RBFOX1: variants seen among roughly 807,000 people sequenced by gnomAD.
RBFOX1 encodes RNA binding protein fox-1 homolog 1.
Under a neutral mutation model 57.7 loss-of-function variants are expected in RBFOX1, and 8 were observed. That is an observed-to-expected ratio of 0.14 (90% CI 0.08 to 0.25). RBFOX1 has a LOEUF of 0.25. Among genes scored for constraint, RBFOX1 ranks in the 10% least tolerant of loss-of-function variants. RBFOX1 has a pLI of 1.00. For synonymous variants in RBFOX1, 326 were observed against 222.4 expected (o/e 1.47, Z -4.15); for missense variants, 611 against 548.5 (o/e 1.11, Z -1.14).
intron 4 of RBFOX1, among the ~76,000 whole-genome samples, chr16:7,205,761 C>T (rs752636490): frequency 2.0e-4 from 30 of 152,140 alleles, no homozygotes; most frequent in Non-Finnish European, 3.5e-4. Context: ...TTGAAAAGGG[C>T]AAAAGTGAGT....
At chr16:6,977,947 A>AAAAATTAAAT (rs57981662) in intron 3 of RBFOX1, among the ~76,000 whole-genome samples, 1 of 145,968 alleles carries the variant, frequency 6.9e-6, no homozygotes, top group Non-Finnish European at 1.5e-5. Context: ...GAAAAAAAAA[A>AAAAATTAAAT]AAAAGGCAAA....
At chr16:5,654,857 T>TC (rs1397700501) in intron 3 of RBFOX1, among the ~76,000 whole-genome samples, 1 of 151,918 alleles carries the variant, frequency 6.6e-6, no homozygotes, top group Non-Finnish European at 1.5e-5. Flanking sequence ...TCCATTGTAT[T>TC]CCCCCCTTTA....
chr16:5,359,057 A>T (rs1016043579), intron 1 of RBFOX1, among the ~76,000 whole-genome samples: 1 of 152,136 alleles, frequency 6.6e-6, no homozygotes, highest in South Asian at 2.1e-4. Flanking sequence ...TAGTGAGAAC[A>T]TGTGATGTTT....
intron 3 of RBFOX1, among the ~76,000 whole-genome samples, chr16:5,710,748 A>G (rs1281645893): frequency 1.3e-5 from 2 of 152,084 alleles, no homozygotes; most frequent in Admixed American, 1.3e-4. Context: ...CATGGAGCCT[A>G]TTACCGGCTC....
intron 2 of RBFOX1, among the ~76,000 whole-genome samples, chr16:6,625,202 G>C (rs983120358): frequency 7.1e-6 from 1 of 141,590 alleles, no homozygotes; most frequent in Admixed American, 7.0e-5. Context: ...CTGGTGGATA[G>C]TGGGGGAGTG....
At chr16:5,659,726 G>C (rs971073118) in intron 3 of RBFOX1, among the ~76,000 whole-genome samples, 1 of 152,164 alleles carries the variant, frequency 6.6e-6, no homozygotes, top group African/African-American at 2.4e-5. Flanking sequence ...AACTCTAACT[G>C]ATAAGTTAAA....
intron 10 of RBFOX1, among the ~76,000 whole-genome samples, chr16:7,613,953 G>C (rs1291831389): frequency 1.3e-5 from 2 of 152,118 alleles, no homozygotes; most frequent in African/African-American, 2.4e-5. Flanking sequence ...AAAAGTCCTA[G>C]GTATAAAGCA....
At chr16:7,493,940 C>T (rs955303209) in intron 4 of RBFOX1, among the ~76,000 whole-genome samples, 12 of 152,176 alleles carry the variant, frequency 7.9e-5, no homozygotes, top group Admixed American at 7.9e-4. Context: ...ATTTTGCATT[C>T]TCAAATAGAA....
At position 7,244,365 on chromosome 16, in the gene RBFOX1, A is replaced by G. The variant is rs535331207; in HGVS notation, c.27+192267A>G. Among the ~76,000 whole-genome samples the G allele has an allele frequency of 9.9e-5, 15 of 152,194 alleles. No individual in the cohort carries two copies. In the South Asian group the frequency reaches 1.7e-3, roughly 17 times the overall value. On this transcript the variant is annotated intron_variant, in intron 4 of 15. Transcript: ENST00000550418. ...TTTGAGCAACTTCTTCAAACCCTCA[A>G]GATGCATCCCCATGGACCATGCTGG...
intron 14 of RBFOX1, among the ~76,000 whole-genome samples, chr16:7,704,964 A>C (rs1267929989): frequency 6.6e-6 from 1 of 151,584 alleles, no homozygotes; most frequent in Non-Finnish European, 1.5e-5. Flanking sequence ...GAATCGCTTG[A>C]ACCCAGAAGG....
At chr16:5,634,172 G>C (rs901914215) in intron 3 of RBFOX1, among the ~76,000 whole-genome samples, 1 of 152,196 alleles carries the variant, frequency 6.6e-6, no homozygotes, top group Admixed American at 6.5e-5. Context: ...GTGTACATCA[G>C]TTGGCAAATT....
At chr16:6,643,840 A>AC (rs2098511594) in intron 2 of RBFOX1, among the ~76,000 whole-genome samples, 1 of 7,636 alleles carries the variant, frequency 1.3e-4, no homozygotes, top group African/African-American at 4.2e-4. Context: ...AAAAAATCAT[A>AC]TAAGGCTGAG....
chr16:6,676,154 A>AGTG (rs1382843746), intron 3 of RBFOX1, among the ~76,000 whole-genome samples: 1 of 142,548 alleles, frequency 7.0e-6, no homozygotes, highest in African/African-American at 3.0e-5. Flanking sequence ...ACACACACAC[A>AGTG]CACACACACA....
intron 1 of RBFOX1, among the ~76,000 whole-genome samples, chr16:6,111,523 T>G (rs60921664): frequency 0.013 from 1,990 of 152,300 alleles, 42 homozygotes; most frequent in African/African-American, 0.046. Flanking sequence ...ATATTAAGTG[T>G]GTGATGGAAT....
intron 4 of RBFOX1, among the ~76,000 whole-genome samples, chr16:5,988,608 C>T (rs906169680): frequency 6.6e-6 from 1 of 152,086 alleles, no homozygotes; most frequent in Non-Finnish European, 1.5e-5. Context: ...GACTGAGTGC[C>T]GTGACACGGA....
At chr16:7,536,039 G>A (rs759508228) in intron 5 of RBFOX1, among the ~76,000 whole-genome samples, 29 of 152,114 alleles carry the variant, frequency 1.9e-4, no homozygotes, top group Non-Finnish European at 3.8e-4. Context: ...ACACACACAC[G>A]TCACTCACAC....
intron 3 of RBFOX1, among the ~76,000 whole-genome samples, chr16:7,049,438 C>G (rs1246700772): frequency 1.3e-5 from 2 of 151,298 alleles, no homozygotes; most frequent in African/African-American, 4.9e-5. Flanking sequence ...AGAGGACACA[C>G]AAACTTTTAA....
At chr16:6,897,616 A>G (rs2153398336) in intron 3 of RBFOX1, among the ~76,000 whole-genome samples, 1 of 151,998 alleles carries the variant, frequency 6.6e-6, no homozygotes, top group Non-Finnish European at 1.5e-5. Flanking sequence ...ACATGGTGAA[A>G]CCCCATCTCT....
chr16:5,733,049 AG>A, intron 3 of RBFOX1, among the ~76,000 whole-genome samples: 1 of 152,280 alleles, frequency 6.6e-6, no homozygotes, highest in East Asian at 1.9e-4. Flanking sequence ...GTGCCTAAAC[AG>A]GGGGTACATC....
Sources: gnomAD v4.1 joint callset for allele counts (sites outside exome capture counted in the v4.1 genomes callset) on GRCh38, gnomAD v4.1.1 for gene constraint, MANE v1.5 for transcripts, NCBI Gene and HGNC (gene_info 2026-07-23, HGNC 2026-07-21) for gene names.